The following CCDC68 variants were observed in gnomAD, a reference collection of about 807,000 sequenced individuals.
CCDC68 encodes the protein coiled-coil domain-containing protein 68.
In CCDC68, 45 loss-of-function variants were observed where a neutral mutation model predicts 47.1. The observed-to-expected ratio is 0.96, with a 90% CI of 0.75 to 1.23. The LOEUF (loss-of-function observed/expected upper bound fraction) is 1.23. Among genes scored for constraint, CCDC68 ranks in the 50% most tolerant of loss-of-function variants. The pLI is 0.00. For synonymous variants in CCDC68, 131 were observed against 129.5 expected (o/e 1.01, Z -0.08); for missense variants, 353 against 373.6 (o/e 0.94, Z 0.45).
At chr18:54,953,524 ACACACAC>A (rs1568166196) in intron 1 of CCDC68, among the ~76,000 whole-genome samples, 5 of 130,868 alleles carry the variant, frequency 3.8e-5, no homozygotes, top group African/African-American at 1.6e-4. Flanking sequence ...ACACACACAC[ACACACAC>A]ACACACACAT....
At chr18:54,915,885 T>C (rs1485616127) in intron 10 of CCDC68, among the ~76,000 whole-genome samples, 1 of 152,104 alleles carries the variant, frequency 6.6e-6, no homozygotes, top group Non-Finnish European at 1.5e-5. Context: ...GCCGAGATCA[T>C]GCCACTGCGC....
In CCDC68 at chr18:54,917,953, ATTCTTTTGTCTTG is replaced by A; in HGVS notation, c.820_832del (p.Gln274LeufsTer18). The A allele has an allele frequency of 6.3e-7, 1 of 1,575,858 alleles. No homozygotes were observed. ...GTTAACCTTTTCTCTGAGATTTTCA[ATTCTTTTGTCTTG>A]TTCTTTTAAATTATTTTTTAATCCT... On this transcript the variant is annotated frameshift_variant, in exon 10 of 12. Transcript: ENST00000591504. LOFTEE classifies it high-confidence loss of function.
chr18:54,901,828 G>C lies in CCDC68; in HGVS notation c.*2530C>G, dbSNP rs1599010635. 1 of 151,758 alleles carries C rather than the reference G, an allele frequency of 6.6e-6. No individual in the cohort carries two copies. Among genetic ancestry groups the C allele is most frequent in the African/African-American group, 2.4e-5 (1 of 41,282 alleles). 9.4% of individuals were successfully genotyped at this position (151,758 alleles called of 1,614,324 possible). ...TTTCTTTTCCTATATTTCCTGTGAA[G>C]TACTATTTTAGCTGAATAAATATTA... On this transcript the variant is annotated 3_prime_UTR_variant, in exon 12 of 12. Transcript: ENST00000591504.
intron 10 of CCDC68, 61 bp from the exon 11 acceptor site, chr18:54,907,923 A>C: frequency 3.2e-6 from 3 of 935,188 alleles, no homozygotes; most frequent in Non-Finnish European, 5.3e-6. Context: ...TACACCCTCA[A>C]TGCTTCTATT....
intron 9 of CCDC68, among the ~76,000 whole-genome samples, chr18:54,918,931 C>G (rs528805613): frequency 6.6e-6 from 1 of 152,244 alleles, no homozygotes; most frequent in South Asian, 2.1e-4. Flanking sequence ...GAAAACAGAT[C>G]ATTTCATACT....
chr18:54,921,262 A>G (rs538145858), intron 8 of CCDC68, among the ~76,000 whole-genome samples: 1 of 152,320 alleles, frequency 6.6e-6, no homozygotes, highest in East Asian at 1.9e-4. Context: ...CCTAGGTGAC[A>G]GATTCAATAG....
chr18:54,902,281 C>G lies in CCDC68; in HGVS notation c.*2077G>C, dbSNP rs983716720. 1 of 152,020 alleles carries G rather than the reference C, an allele frequency of 6.6e-6. No homozygotes were observed. The highest frequency in any genetic ancestry group is 2.4e-5 in the African/African-American group (1 of 41,406). The allele number at this position is 152,020 out of a possible 1,614,324, so 9.4% of individuals were successfully genotyped here. A position where few individuals can be genotyped will look rare whatever the true frequency, so the allele number is the denominator to read the frequency against. On this transcript the variant is annotated 3_prime_UTR_variant, in exon 12 of 12. Coordinates refer to ENST00000591504, the MANE Select transcript of CCDC68 (RefSeq NM_025214.3). ...CCAACAGTGTCTTTCCACTTTTGAC[C>G]TTAGAATAAGTTATTCTAATGGAAA...
At chr18:54,921,420 A>T (rs1008379075) in intron 8 of CCDC68, among the ~76,000 whole-genome samples, 1 of 152,238 alleles carries the variant, frequency 6.6e-6, no homozygotes, top group Non-Finnish European at 1.5e-5. Flanking sequence ...AAACAAAAGA[A>T]GTTTACAATT....
intron 1 of CCDC68, among the ~76,000 whole-genome samples, chr18:54,949,117 C>T (rs1303323552): frequency 6.6e-6 from 1 of 152,182 alleles, no homozygotes; most frequent in Non-Finnish European, 1.5e-5. Context: ...CCTCAGCTTC[C>T]CAAGTAGCTG....
chr18:54,951,716 A>T (rs1264394756), intron 1 of CCDC68, among the ~76,000 whole-genome samples: 1 of 152,206 alleles, frequency 6.6e-6, no homozygotes, highest in Non-Finnish European at 1.5e-5. Context: ...TCCTGATGGG[A>T]GGTCCCAGGT....
intron 1 of CCDC68, among the ~76,000 whole-genome samples, chr18:54,951,162 C>T (rs1195673370): frequency 6.6e-6 from 1 of 151,554 alleles, no homozygotes; most frequent in Non-Finnish European, 1.5e-5. Flanking sequence ...CCCGCCTCGG[C>T]CTCCCAAAGT....
chr18:54,913,039 C>T (rs906702777), intron 10 of CCDC68, among the ~76,000 whole-genome samples: 3 of 152,104 alleles, frequency 2.0e-5, no homozygotes, highest in African/African-American at 4.8e-5. Context: ...AACCATATCA[C>T]CCAAATACCC....
chr18:54,902,975 G>T lies in CCDC68; in HGVS notation c.*1383C>A, dbSNP rs1400994853. The T allele has an allele frequency of 6.6e-6, 1 of 152,124 alleles. No homozygotes were observed. The highest frequency in any genetic ancestry group is 1.5e-5 in the Non-Finnish European group (1 of 68,024). The allele number at this position is 152,124 out of a possible 1,614,324, so 9.4% of individuals were successfully genotyped here. ...CTTGTTGCTGGTATAAGGTAACTATGCCCTAAATGTTAACAGATAAATATA... is the reference window on the plus strand; with the variant it reads ...CTTGTTGCTGGTATAAGGTAACTATTCCCTAAATGTTAACAGATAAATATA... On this transcript the variant is annotated 3_prime_UTR_variant, in exon 12 of 12. Coordinates refer to ENST00000591504, the MANE Select transcript of CCDC68 (RefSeq NM_025214.3).
chr18:54,956,633 A>G (rs906057672), intron 1 of CCDC68, among the ~76,000 whole-genome samples: 1 of 152,242 alleles, frequency 6.6e-6, no homozygotes, highest in Non-Finnish European at 1.5e-5. Flanking sequence ...CTCAACAGCT[A>G]TTCTAACTGA....
intron 1 of CCDC68, chr18:54,957,987 G>C (rs1019594905): frequency 1.3e-5 from 2 of 152,138 alleles, no homozygotes; most frequent in African/African-American, 2.4e-5. Context: ...TCAATGTTGA[G>C]CATACTGTAA....
At chr18:54,956,189 C>T (rs896196914) in intron 1 of CCDC68, among the ~76,000 whole-genome samples, 1 of 152,138 alleles carries the variant, frequency 6.6e-6, no homozygotes, top group Non-Finnish European at 1.5e-5. Flanking sequence ...GGGGTTTCAC[C>T]ATGTTGGTCA....
chr18:54,926,892 T>G (rs573186070), intron 8 of CCDC68, among the ~76,000 whole-genome samples: 1 of 152,192 alleles, frequency 6.6e-6, no homozygotes. Context: ...AGGAATAAAA[T>G]AAAGAAGTTA....
chr18:54,928,652 T>C (rs1247089539), intron 8 of CCDC68, 148 bp downstream of exon 8: 2 of 621,558 alleles, frequency 3.2e-6, no homozygotes, highest in African/African-American at 3.7e-5. Flanking sequence ...ACTACATGAC[T>C]GTTAATCCCA....
intron 2 of CCDC68, among the ~76,000 whole-genome samples, chr18:54,943,716 A>G (rs2044474837): frequency 6.6e-6 from 1 of 152,236 alleles, no homozygotes; most frequent in Admixed American, 6.5e-5. Flanking sequence ...TGGTATTGCC[A>G]TTTTGAACTG....
Sources: allele counts gnomAD v4.1 joint callset (sites outside exome capture counted in the v4.1 genomes callset), GRCh38; gene constraint gnomAD v4.1.1; transcripts MANE v1.5; gene names NCBI Gene and HGNC (gene_info 2026-07-23, HGNC 2026-07-21).